Variants in LRRC1 observed in about 807,000 individuals in gnomAD.
LRRC1 encodes leucine rich repeat containing 1.
In LRRC1, 28 loss-of-function variants were observed where a neutral mutation model predicts 69.9. The observed-to-expected ratio is 0.40, with a 90% CI of 0.30 to 0.55. The LOEUF (loss-of-function observed/expected upper bound fraction) is 0.55. Ranked by LOEUF, LRRC1 falls within the 20% of genes least tolerant of loss-of-function variation. The pLI, the probability that LRRC1 is intolerant of heterozygous loss-of-function variation, is 0.47. For missense variants in LRRC1, 498 were observed against 609.0 expected (o/e 0.82, Z 1.92); for synonymous variants, 236 against 240.2 (o/e 0.98, Z 0.16).
intron 4 of LRRC1, among the ~76,000 whole-genome samples, chr6:53,895,302 G>T (rs983686821): frequency 1.7e-4 from 26 of 152,318 alleles, no homozygotes; most frequent in African/African-American, 6.0e-4. Flanking sequence ...AATTGGAGAA[G>T]GAGATGCAGG....
In LRRC1 at chr6:53,920,732, G is replaced by A; in HGVS notation, c.1387G>A (p.Asp463Asn). ...AGTCAGTGCGATCCGATTTGTGGAGGATGAGAAAGATGAAGAAGACAATGA... is the reference window on the plus strand; with the variant it reads ...AGTCAGTGCGATCCGATTTGTGGAGAATGAGAAAGATGAAGAAGACAATGA... Reference protein sequence around the residue: ...NRVSAIRFVEDEKDEEDNETR... With the variant: ...NRVSAIRFVENEKDEEDNETR... Residue 463 changes from aspartate (D) to asparagine (N), a missense_variant, in exon 13 of 14, where the codon GAT (aspartate) becomes AAT (asparagine). Coordinates refer to ENST00000370888, the MANE Select transcript of LRRC1 (RefSeq NM_018214.5). 1.9e-6 allele frequency: 3 copies of A among 1,614,200 alleles called. No individual in the cohort carries two copies. The highest frequency in any genetic ancestry group is 2.2e-5 in the East Asian group (1 of 44,878).
intron 7 of LRRC1, among the ~76,000 whole-genome samples, chr6:53,898,910 G>T (rs537048681): frequency 1.3e-5 from 2 of 152,278 alleles, no homozygotes; most frequent in African/African-American, 4.8e-5. Context: ...TGAAAAGAAG[G>T]TGGTCCAATT....
In LRRC1 at chr6:53,868,049, T is replaced by C. The variant is rs12204390; in HGVS notation, c.278-10944T>C. On this transcript the variant is annotated intron_variant, in intron 2 of 13. Transcript: ENST00000370888. ...ATTTTGGGTTACATTCCTTAATGAG[T>C]AGATGAAAATCTCATTAGTAGTACT... Among the ~76,000 whole-genome samples, 614 of 152,118 alleles carry C rather than the reference T, an allele frequency of 4.0e-3. 2 individuals are homozygous for C. Among genetic ancestry groups the C allele is most frequent in the Non-Finnish European group, 7.4e-3 (503 of 67,992 alleles).
intron 1 of LRRC1, among the ~76,000 whole-genome samples, chr6:53,832,391 A>T (rs1167494040): frequency 6.6e-6 from 1 of 152,204 alleles, no homozygotes; most frequent in Admixed American, 6.5e-5. Context: ...CATAGTATGT[A>T]TGTGGTGCTT....
intron 2 of LRRC1, among the ~76,000 whole-genome samples, chr6:53,872,610 T>G (rs1255924608): frequency 2.0e-5 from 3 of 152,158 alleles, no homozygotes; most frequent in Admixed American, 6.5e-5. Flanking sequence ...TTTGGCTTTT[T>G]GGGGTCTTTT....
intron 2 of LRRC1, among the ~76,000 whole-genome samples, chr6:53,878,560 G>A (rs534863760): frequency 1.3e-5 from 2 of 152,298 alleles, no homozygotes; most frequent in East Asian, 1.9e-4. Flanking sequence ...AGAATCTAAT[G>A]TGGGCGCTGA....
chr6:53,848,988 C>G (rs959139799), intron 2 of LRRC1, among the ~76,000 whole-genome samples: 1 of 150,096 alleles, frequency 6.7e-6, no homozygotes, highest in African/African-American at 2.4e-5. Context: ...AACACCCCAC[C>G]TTAGGTGATC....
intron 1 of LRRC1, among the ~76,000 whole-genome samples, chr6:53,821,966 G>T (rs1765129732): frequency 6.7e-6 from 1 of 150,202 alleles, no homozygotes; most frequent in African/African-American, 2.5e-5. Flanking sequence ...TTTTTGAATG[G>T]TATCAGTCAA....
intron 12 of LRRC1, 181 bp from the exon 13 acceptor site, chr6:53,920,443 TG>T: frequency 1.8e-6 from 1 of 543,262 alleles, no homozygotes; most frequent in Non-Finnish European, 3.2e-6. Context: ...TTTTTCTTTT[TG>T]TTTTTGAATT....
chr6:53,821,516 A>G (rs937150659), intron 1 of LRRC1, among the ~76,000 whole-genome samples: 1 of 152,222 alleles, frequency 6.6e-6, no homozygotes, highest in African/African-American at 2.4e-5. Flanking sequence ...CACCTGGCTC[A>G]GGGACTCAGG....
intron 1 of LRRC1, among the ~76,000 whole-genome samples, chr6:53,811,265 G>A (rs1029046905): frequency 2.0e-5 from 3 of 152,150 alleles, no homozygotes; most frequent in Admixed American, 6.5e-5. Flanking sequence ...TCTGTCTCAG[G>A]AGGAACTCTG....
intron 10 of LRRC1, among the ~76,000 whole-genome samples, chr6:53,907,118 G>A (rs1272012041): frequency 6.6e-6 from 1 of 152,236 alleles, no homozygotes; most frequent in Non-Finnish European, 1.5e-5. Flanking sequence ...GGTAGGCCCT[G>A]TGACTGTGTG....
intron 10 of LRRC1, 99 bp downstream of exon 10, chr6:53,904,561 G>A: frequency 2.5e-6 from 2 of 794,176 alleles, no homozygotes; most frequent in Non-Finnish European, 3.9e-6. Context: ...AGACGCATGT[G>A]TTGTTTTTTA....
rs1345330622 is a variant in LRRC1, at chr6:53,864,683, C to T, written c.278-14310C>T. On this transcript the variant is annotated intron_variant, in intron 2 of 13. Coordinates refer to ENST00000370888, the MANE Select transcript of LRRC1 (RefSeq NM_018214.5). ...CATGCAAAGTGCCAGTCATGATACC[C>T]GGTACATAACAGGCCCTCAAAAATG... is the stretch of plus-strand genomic sequence containing the variant. Among the ~76,000 whole-genome samples, 3 of 152,112 alleles carry T rather than the reference C, an allele frequency of 2.0e-5. No homozygotes were observed. In the East Asian group the frequency reaches 5.8e-4, roughly 29 times the overall value.
At chr6:53,814,037 G>C (rs188675639) in intron 1 of LRRC1, among the ~76,000 whole-genome samples, 1 of 152,148 alleles carries the variant, frequency 6.6e-6, no homozygotes, top group Non-Finnish European at 1.5e-5. Context: ...TTTGTTTCTT[G>C]ATTCGTACTT....
intron 1 of LRRC1, among the ~76,000 whole-genome samples, chr6:53,832,544 A>T (rs1765459970): frequency 6.6e-6 from 1 of 152,232 alleles, no homozygotes; most frequent in Non-Finnish European, 1.5e-5. Flanking sequence ...CGCACATCAA[A>T]ATATAAAAAA....
chr6:53,860,968 G>A (rs1451080350), intron 2 of LRRC1, among the ~76,000 whole-genome samples: 3 of 152,066 alleles, frequency 2.0e-5, no homozygotes, highest in Non-Finnish European at 4.4e-5. Flanking sequence ...ACTTATAAGT[G>A]GGCGCTAAAC....
At chr6:53,854,445 C>T (rs562032252) in intron 2 of LRRC1, among the ~76,000 whole-genome samples, 39 of 152,254 alleles carry the variant, frequency 2.6e-4, no homozygotes, top group African/African-American at 8.9e-4. Context: ...CTGTGTGAAT[C>T]CTTCTCATCA....
In LRRC1 at chr6:53,899,880, CG is replaced by C; in HGVS notation, c.778del (p.Asp260MetfsTer6). ...TCCCAGAACTTATTAGAAACGATTC[CG>C]GATGGCATTGGTAAGCATTGGAAAT... ...VISQNLLETI[P>X]DGIGKLKKLS... On this transcript the variant is annotated frameshift_variant, in exon 8 of 14. Transcript: ENST00000370888. LOFTEE classifies it high-confidence loss of function. 6.2e-7 allele frequency: 1 copy of C among 1,613,874 alleles called. No individual in the cohort carries two copies. Among genetic ancestry groups the C allele is most frequent in the South Asian group, 1.1e-5 (1 of 91,014 alleles).
Sources: gnomAD v4.1 joint callset for allele counts (sites outside exome capture counted in the v4.1 genomes callset) on GRCh38, gnomAD v4.1.1 for gene constraint, MANE v1.5 for transcripts, NCBI Gene and HGNC (gene_info 2026-07-23, HGNC 2026-07-21) for gene names.